The following EHMT1 variants were observed in gnomAD, a reference collection of about 807,000 sequenced individuals.
EHMT1 encodes euchromatic histone lysine methyltransferase 1.
In EHMT1, 15 loss-of-function variants were observed where a neutral mutation model predicts 147.2. That is an observed-to-expected ratio of 0.10 (90% CI 0.07 to 0.16). EHMT1 has a LOEUF of 0.16. EHMT1 is among the 10% of genes least tolerant of loss of function. The pLI, the probability that EHMT1 is intolerant of heterozygous loss-of-function variation, is 1.00. For missense variants in EHMT1, 1,587 were observed against 1,772.4 expected (o/e 0.90, Z 1.88); for synonymous variants, 795 against 709.6 (o/e 1.12, Z -1.91).
chr9:137,826,226 C>T (rs944906757), intron 25 of EHMT1, among the ~76,000 whole-genome samples: 1 of 152,224 alleles, frequency 6.6e-6, no homozygotes, highest in Admixed American at 6.5e-5. Context: ...TCTCTCCTTC[C>T]AGCATCTGGC....
intron 1 of EHMT1, among the ~76,000 whole-genome samples, chr9:137,691,224 A>G (rs1942901182): frequency 6.6e-6 from 1 of 151,814 alleles, no homozygotes; most frequent in Admixed American, 6.6e-5. Flanking sequence ...CTCATTTCTC[A>G]TAGCATAATG....
rs188452845 is a variant in EHMT1 at position 137,776,777 on chromosome 9, G to C, written c.1951G>C (p.Val651Leu). ...TIAKADTTST[V>L]TPVPGQEKGS... ...AGCTAAAGCAGACACCACCTCGACC[G>C]TGACACCAGTCCCCGGGCAGGAGAA... Residue 651 changes from valine (V) to leucine (L), a missense_variant, in exon 12 of 27, where the codon GTG (valine) becomes CTG (leucine). Val to Leu is a conservative substitution (Grantham distance 32). This residue lies in a region of EHMT1 where 124 missense variants were observed against 197.8 expected (regional missense o/e 0.63). Coordinates refer to ENST00000460843, the MANE Select transcript of EHMT1 (RefSeq NM_024757.5). This position sits in a 1 kb window ranked among gnomAD's most constrained non-coding sequence, Gnocchi z 4.4. The C allele has an allele frequency of 1.2e-6, 2 of 1,613,912 alleles. No individual in the cohort carries two copies. Among genetic ancestry groups the C allele is most frequent in the Admixed American group, 1.7e-5 (1 of 60,000 alleles).
At chr9:137,805,827 T>C (rs1213799306) in intron 18 of EHMT1, among the ~76,000 whole-genome samples, 1 of 151,568 alleles carries the variant, frequency 6.6e-6, no homozygotes, top group Admixed American at 6.6e-5. Flanking sequence ...CACGCCTGGC[T>C]AATTTTTGTA....
At chr9:137,742,283 C>T (rs998492578) in intron 4 of EHMT1, among the ~76,000 whole-genome samples, 2 of 119,822 alleles carry the variant, frequency 1.7e-5, no homozygotes, top group African/African-American at 6.5e-5. Context: ...CTTTGTAGAA[C>T]CAAATTTGTG....
At chr9:137,803,345 A>T in intron 18 of EHMT1, 1 of 975,394 alleles carries the variant, frequency 1.0e-6, no homozygotes, top group Non-Finnish European at 1.2e-6. Flanking sequence ...TGCCCTGATG[A>T]TCTTCAGGTG....
chr9:137,623,448 T>G (rs918751003), intron 1 of EHMT1, among the ~76,000 whole-genome samples: 26 of 151,758 alleles, frequency 1.7e-4, no homozygotes, highest in Non-Finnish European at 2.8e-4. Flanking sequence ...GGAGGTCCGC[T>G]CCGTCGCCCA....
chr9:137,619,635 A>G (rs1055749147), intron 1 of EHMT1, among the ~76,000 whole-genome samples: 1 of 152,166 alleles, frequency 6.6e-6, no homozygotes, highest in African/African-American at 2.4e-5. Flanking sequence ...TGTCAGAAGC[A>G]GGAAAGCACG....
chr9:137,822,818 G>A (rs1195629073), intron 25 of EHMT1, among the ~76,000 whole-genome samples: 3 of 151,718 alleles, frequency 2.0e-5, no homozygotes, highest in Admixed American at 6.6e-5. Flanking sequence ...GCTTGAACTT[G>A]GGAGGTGGAG....
intron 2 of EHMT1, among the ~76,000 whole-genome samples, chr9:137,712,878 A>AT (rs1401211629): frequency 2.0e-5 from 3 of 151,934 alleles, no homozygotes; most frequent in Non-Finnish European, 2.9e-5. Context: ...AAACATTTAC[A>AT]TTTATTTTTT....
At chr9:137,811,338 G>T in intron 18 of EHMT1, 123 bp from the exon 19 acceptor site, 1 of 1,382,406 alleles carries the variant, frequency 7.2e-7, no homozygotes, top group East Asian at 2.3e-5. Flanking sequence ...TGGCCCTGCT[G>T]CGGACGGCCA....
chr9:137,778,369 T>A (rs563245170), intron 13 of EHMT1, among the ~76,000 whole-genome samples: 1 of 152,376 alleles, frequency 6.6e-6, no homozygotes, highest in Non-Finnish European at 1.5e-5. Context: ...CTGCTTCTGC[T>A]GCCTTGACTC....
At chr9:137,742,454 G>A (rs1305657592) in intron 4 of EHMT1, among the ~76,000 whole-genome samples, 1 of 152,072 alleles carries the variant, frequency 6.6e-6, no homozygotes, top group Non-Finnish European at 1.5e-5. Flanking sequence ...GCTGTGCCCA[G>A]CTTTAAACAG....
intron 1 of EHMT1, among the ~76,000 whole-genome samples, chr9:137,700,571 T>C (rs1943748463): frequency 6.6e-6 from 1 of 152,190 alleles, no homozygotes. Context: ...TAGTCCGCTG[T>C]TCTCCTTTCT....
At position 137,798,367 on chromosome 9, in the gene EHMT1, A is replaced by G. The variant is rs148994984; in HGVS notation, c.2506-446A>G. On this transcript the variant is annotated intron_variant, in intron 16 of 26. Coordinates refer to ENST00000460843, the MANE Select transcript of EHMT1 (RefSeq NM_024757.5). ...TGGTGAGCTGTGATCGCACCACTGCACTCCAGCCTGGGCGATACAGCAAGA... is the reference window on the plus strand; with the variant it reads ...TGGTGAGCTGTGATCGCACCACTGCGCTCCAGCCTGGGCGATACAGCAAGA... 8.9e-3 allele frequency among the ~76,000 whole-genome samples: 1,360 copies of G among 152,058 alleles called. 25 individuals are homozygous for G. The highest frequency in any genetic ancestry group is 0.03 in the African/African-American group (1,262 of 41,478).
rs947901899 is a variant in EHMT1, at chr9:137,768,529, A to ATTTTTT, written c.1647+5742_1647+5747dup. Reference sequence around the variant, plus strand: ...CCACCACGCCCGGCTAATTTTTTGTATTTTTTTTTTTTTTTTTTTTTTTTT... The same window carrying ATTTTTT: ...CCACCACGCCCGGCTAATTTTTTGTATTTTTTTTTTTTTTTTTTTTTTTTTTTTTTT... On this transcript the variant is annotated intron_variant, in intron 10 of 26. Coordinates refer to ENST00000460843, the MANE Select transcript of EHMT1 (RefSeq NM_024757.5). Among the ~76,000 whole-genome samples the ATTTTTT allele has an allele frequency of 2.1e-3, 38 of 18,290 alleles. 12 individuals carry two copies. Among genetic ancestry groups the ATTTTTT allele is most frequent in the East Asian group, 9.7e-3 (3 of 308 alleles). 12.0% of individuals were successfully genotyped at this position (18,290 alleles called of 152,430 possible).
rs146497113 is a variant in EHMT1 at position 137,811,538 on chromosome 9, C to T, written c.2790C>T (p.Cys930=). ...CCGAGATCCTGCTGGCTGCCAAGTG[C>T]GACCTCCACGCCGTGAACATCCACG... ...DIAEILLAAK[C]DLHAVNIHGD... The change falls in exon 19 of 27, where the codon TGC becomes TGT. Residue 930 remains cysteine, a synonymous_variant. Transcript: ENST00000460843. 6 of 1,610,142 alleles carry T rather than the reference C, an allele frequency of 3.7e-6. No homozygotes were observed. The highest frequency in any genetic ancestry group is 1.3e-5 in the African/African-American group (1 of 75,066).
chr9:137,662,247 G>A (rs777497409), intron 1 of EHMT1, among the ~76,000 whole-genome samples: 8 of 152,058 alleles, frequency 5.3e-5, no homozygotes, highest in African/African-American at 7.2e-5. Context: ...ACCCAGGCTG[G>A]AGTACAGTGT....
chr9:137,740,872 G>C (rs567508597), intron 4 of EHMT1, among the ~76,000 whole-genome samples: 2 of 151,938 alleles, frequency 1.3e-5, no homozygotes, highest in Non-Finnish European at 2.9e-5. Context: ...GTGCGATCTC[G>C]GCTCACTGCA....
chr9:137,624,531 G>T (rs1001316610), intron 1 of EHMT1, among the ~76,000 whole-genome samples: 10 of 152,096 alleles, frequency 6.6e-5, no homozygotes, highest in Non-Finnish European at 8.8e-5. Context: ...GGCCAGGCAG[G>T]TCTCGAACTC....
Sources: allele counts gnomAD v4.1 joint callset (sites outside exome capture counted in the v4.1 genomes callset), GRCh38; gene constraint gnomAD v4.1.1; regional missense constraint gnomAD v4.1.1; non-coding constraint Gnocchi (gnomAD v3.1); transcripts MANE v1.5; gene names NCBI Gene and HGNC (gene_info 2026-07-23, HGNC 2026-07-21).